Variants in PID1 observed in about 807,000 individuals in gnomAD.
PID1 encodes the protein phosphotyrosine interaction domain containing 1.
PID1 carries 10 observed loss-of-function variants against 19.1 expected under a neutral mutation model. That is an observed-to-expected ratio of 0.52 (90% CI 0.32 to 0.89). PID1 has a LOEUF of 0.89. Among genes scored for constraint, PID1 ranks in the 40% least tolerant of loss-of-function variants. The pLI is 0.03. For missense variants in PID1, 248 were observed against 285.3 expected (o/e 0.87, Z 0.94); for synonymous variants, 130 against 116.0 (o/e 1.12, Z -0.78).
intron 2 of PID1, among the ~76,000 whole-genome samples, chr2:229,076,857 C>T (rs539285543): frequency 1.6e-4 from 25 of 152,158 alleles, no homozygotes; most frequent in Non-Finnish European, 3.2e-4. Context: ...AATAAACATA[C>T]GTGTGCATGT....
intron 2 of PID1, among the ~76,000 whole-genome samples, chr2:229,149,273 C>T (rs756780237): frequency 3.9e-5 from 6 of 151,904 alleles, no homozygotes; most frequent in Non-Finnish European, 8.8e-5. Context: ...AAAAATGGCC[C>T]TTTGTCTAAA....
chr2:229,136,613 A>G (rs974419809), intron 2 of PID1, among the ~76,000 whole-genome samples: 2 of 152,194 alleles, frequency 1.3e-5, no homozygotes, highest in African/African-American at 2.4e-5. Flanking sequence ...TCTTTACTGA[A>G]TTAAGGATAA....
At chr2:229,027,994 G>T (rs1418494979) in intron 2 of PID1, among the ~76,000 whole-genome samples, 1 of 152,172 alleles carries the variant, frequency 6.6e-6, no homozygotes, top group East Asian at 1.9e-4. Flanking sequence ...AAGAAAGGTG[G>T]ATGGGGAGGC....
At chr2:229,120,905 AG>A (rs1415047771) in intron 2 of PID1, among the ~76,000 whole-genome samples, 1 of 151,994 alleles carries the variant, frequency 6.6e-6, no homozygotes, top group East Asian at 1.9e-4. Flanking sequence ...TTATAAAGCA[AG>A]GTTCCTCCTC....
chr2:229,133,410 G>A (rs553448359), intron 2 of PID1, among the ~76,000 whole-genome samples: 7 of 152,226 alleles, frequency 4.6e-5, no homozygotes, highest in Middle Eastern at 6.8e-3. Context: ...GTCCTCCTAC[G>A]GCAATCACCT....
chr2:229,177,711 T>C lies in PID1; in HGVS notation c.31-21747A>G, dbSNP rs1328650728. 5.5e-4 allele frequency among the ~76,000 whole-genome samples: 83 copies of C among 152,290 alleles called. 1 individual carries two copies. On this transcript the variant is annotated intron_variant, in intron 1 of 2. Transcript: ENST00000392055. ...CAGACTAGGGGAACAACTATCCAGT[T>C]GAACCCCTGGCATCTTTCATCATCA...
chr2:229,252,435 G>A (rs1003249990), intron 1 of PID1, among the ~76,000 whole-genome samples: 8 of 152,106 alleles, frequency 5.3e-5, no homozygotes, highest in East Asian at 3.9e-4. Context: ...CTCCTAGGAC[G>A]TGCCAGCACA....
intron 1 of PID1, among the ~76,000 whole-genome samples, chr2:229,203,987 G>A (rs1266772653): frequency 6.6e-6 from 1 of 151,938 alleles, no homozygotes; most frequent in African/African-American, 2.4e-5. Context: ...TAGACCCATA[G>A]GTCTAATGTA....
chr2:229,232,619 CATCT>C (rs1218291191), intron 1 of PID1, among the ~76,000 whole-genome samples: 2 of 149,492 alleles, frequency 1.3e-5, no homozygotes, highest in African/African-American at 4.9e-5. Context: ...CAACCTCACC[CATCT>C]CCACTCAACA....
intron 2 of PID1, among the ~76,000 whole-genome samples, chr2:229,036,747 C>CA (rs947873161): frequency 1.7e-4 from 26 of 151,944 alleles, no homozygotes; most frequent in African/African-American, 5.1e-4. Context: ...GACTCCAGCT[C>CA]AAAAAAACAA....
At chr2:229,030,025 A>T (rs1693513897) in intron 2 of PID1, among the ~76,000 whole-genome samples, 1 of 152,182 alleles carries the variant, frequency 6.6e-6, no homozygotes, top group Non-Finnish European at 1.5e-5. Flanking sequence ...ATGAATGAAT[A>T]AACAAAATAC....
intron 2 of PID1, among the ~76,000 whole-genome samples, chr2:229,079,925 G>A (rs1694636998): frequency 6.6e-6 from 1 of 152,182 alleles, no homozygotes; most frequent in South Asian, 2.1e-4. Flanking sequence ...AAGGAGATGG[G>A]CATGGAGCAC....
intron 2 of PID1, among the ~76,000 whole-genome samples, chr2:229,047,163 G>T (rs952816307): frequency 1.3e-5 from 2 of 152,126 alleles, no homozygotes; most frequent in South Asian, 2.1e-4. Context: ...ATCCATGAGG[G>T]TAACACCAAT....
Position 229,024,526 on chromosome 2 carries a change from A to G in PID1, c.*1106T>C, listed in dbSNP as rs551910899. 8.5e-5 allele frequency: 13 copies of G among 152,748 alleles called. No homozygotes were observed. The highest frequency in any genetic ancestry group is 1.6e-4 in the Non-Finnish European group (11 of 68,034). 9.5% of individuals were successfully genotyped at this position (152,748 alleles called of 1,614,324 possible). A position where few individuals can be genotyped will look rare whatever the true frequency, so the allele number is the denominator to read the frequency against. On this transcript the variant is annotated 3_prime_UTR_variant, in exon 3 of 3. Transcript: ENST00000392055. ...ATATCATCAATTTTATGATAACGCA[A>G]TAAGATTTCCCTTTAGGTTAAGATG...
chr2:229,184,352 A>ATC (rs1276483440), intron 1 of PID1, among the ~76,000 whole-genome samples: 3 of 134,046 alleles, frequency 2.2e-5, no homozygotes, highest in Admixed American at 8.1e-5. Context: ...TCCCATATAT[A>ATC]TATCACACAT....
chr2:229,142,698 A>AGGT (rs1455835161), intron 2 of PID1, among the ~76,000 whole-genome samples: 1 of 152,202 alleles, frequency 6.6e-6, no homozygotes, highest in African/African-American at 2.4e-5. Context: ...AGGAAACAAC[A>AGGT]GGTGCTGGAG....
intron 2 of PID1, among the ~76,000 whole-genome samples, chr2:229,039,293 CTTATA>C (rs1473900265): frequency 3.3e-5 from 5 of 152,058 alleles, no homozygotes; most frequent in African/African-American, 9.7e-5. Flanking sequence ...GAACCATAAA[CTTATA>C]TTAGGTTGAA....
chr2:229,217,074 G>C (rs1446307488), intron 1 of PID1, among the ~76,000 whole-genome samples: 1 of 152,182 alleles, frequency 6.6e-6, no homozygotes, highest in Non-Finnish European at 1.5e-5. Context: ...AAGGCTGCTG[G>C]AATTGGCTAC....
intron 1 of PID1, among the ~76,000 whole-genome samples, chr2:229,219,497 T>C (rs1442235973): frequency 6.6e-6 from 1 of 152,026 alleles, no homozygotes; most frequent in East Asian, 1.9e-4. Flanking sequence ...CCACAAAATG[T>C]GGGGATTATG....
Sources: allele counts gnomAD v4.1 joint callset (sites outside exome capture counted in the v4.1 genomes callset), GRCh38; gene constraint gnomAD v4.1.1; transcripts MANE v1.5; gene names NCBI Gene and HGNC (gene_info 2026-07-23, HGNC 2026-07-21).